The following PITPNC1 variants were observed in gnomAD, a reference collection of about 807,000 sequenced individuals.
PITPNC1 encodes the protein phosphatidylinositol transfer protein cytoplasmic 1, also known as cytoplasmic phosphatidylinositol transfer protein 1.
PITPNC1 carries 18 observed loss-of-function variants against 44.7 expected under a neutral mutation model. That is an observed-to-expected ratio of 0.40 (90% confidence interval 0.28 to 0.60). The LOEUF is 0.60. Ranked by LOEUF, PITPNC1 falls within the 20% of genes least tolerant of loss-of-function variation. PITPNC1 has a pLI of 0.39. For synonymous variants in PITPNC1, 141 were observed against 149.6 expected (o/e 0.94, Z 0.42); for missense variants, 290 against 418.4 (o/e 0.69, Z 2.68).
At chr17:67,568,785 A>G (rs1006451419) in intron 4 of PITPNC1, among the ~76,000 whole-genome samples, 1 of 152,192 alleles carries the variant, frequency 6.6e-6, no homozygotes, top group South Asian at 2.1e-4. Context: ...TAACAAGCCC[A>G]GCAAATGAGG....
At chr17:67,450,735 T>C (rs1187027292) in intron 1 of PITPNC1, among the ~76,000 whole-genome samples, 1 of 152,178 alleles carries the variant, frequency 6.6e-6, no homozygotes, top group Non-Finnish European at 1.5e-5. Context: ...TTTTAAGCAT[T>C]GTAAATTGTA....
intron 5 of PITPNC1, among the ~76,000 whole-genome samples, chr17:67,616,997 C>T (rs1407789863): frequency 1.3e-5 from 2 of 152,170 alleles, no homozygotes; most frequent in African/African-American, 4.8e-5. Context: ...GGACAAATGT[C>T]CACCATCGGC....
At chr17:67,552,495 G>T (rs2040780814) in intron 3 of PITPNC1, 150 bp downstream of exon 3, 3 of 611,248 alleles carry the variant, frequency 4.9e-6, no homozygotes, top group Non-Finnish European at 8.8e-6. Context: ...TTACTTGTAG[G>T]TTATCAACAC....
chr17:67,637,029 T>C (rs1335888540), intron 6 of PITPNC1, among the ~76,000 whole-genome samples: 1 of 152,190 alleles, frequency 6.6e-6, no homozygotes, highest in Non-Finnish European at 1.5e-5. Flanking sequence ...AGCAAAGTTC[T>C]GGTCCGTGGC....
intron 4 of PITPNC1, among the ~76,000 whole-genome samples, chr17:67,569,526 T>C (rs1475742763): frequency 6.6e-6 from 1 of 152,194 alleles, no homozygotes; most frequent in Non-Finnish European, 1.5e-5. Context: ...GAGTTTTGGG[T>C]GCTGGAGGTT....
At chr17:67,577,871 G>T (rs939292358) in intron 4 of PITPNC1, among the ~76,000 whole-genome samples, 1 of 152,180 alleles carries the variant, frequency 6.6e-6, no homozygotes. Flanking sequence ...GAACTGGCGT[G>T]ATTTAGGGGT....
At chr17:67,544,701 CT>C (rs138945072) in intron 2 of PITPNC1, among the ~76,000 whole-genome samples, 17 of 152,232 alleles carry the variant, frequency 1.1e-4, no homozygotes, top group African/African-American at 4.1e-4. Flanking sequence ...GTCATGAACT[CT>C]TTTTTAACTG....
chr17:67,443,105 G>A (rs2039038756), intron 1 of PITPNC1, among the ~76,000 whole-genome samples: 1 of 151,958 alleles, frequency 6.6e-6, no homozygotes, highest in African/African-American at 2.4e-5. Flanking sequence ...CCTCGGTTTG[G>A]CGTTGAAGCC....
intron 6 of PITPNC1, among the ~76,000 whole-genome samples, chr17:67,664,639 T>G (rs1016720111): frequency 1.3e-5 from 2 of 152,150 alleles, no homozygotes; most frequent in Non-Finnish European, 2.9e-5. Flanking sequence ...CATGGTGGCT[T>G]ACGCCTGTAA....
intron 1 of PITPNC1, among the ~76,000 whole-genome samples, chr17:67,466,557 TCA>T (rs1598704341): frequency 6.6e-6 from 1 of 152,178 alleles, no homozygotes; most frequent in Non-Finnish European, 1.5e-5. Context: ...TTTTTCTAAC[TCA>T]TCCCTTTTAA....
At chr17:67,654,028 C>T (rs566040195) in intron 6 of PITPNC1, among the ~76,000 whole-genome samples, 26 of 152,300 alleles carry the variant, frequency 1.7e-4, no homozygotes, top group East Asian at 3.9e-4. Context: ...GTTCCAGAGG[C>T]CCCCAGGTGA....
intron 1 of PITPNC1, among the ~76,000 whole-genome samples, chr17:67,428,648 C>T (rs2038808237): frequency 6.6e-6 from 1 of 151,818 alleles, no homozygotes. Context: ...GATAATTTTC[C>T]TGTGTTTTAC....
chr17:67,624,209 CTTTTCTT>C lies in PITPNC1; in HGVS notation c.367-7929_367-7923del, dbSNP rs1398488986. On this transcript the variant is annotated intron_variant, in intron 5 of 8. Transcript: ENST00000581322. ...AAGATTATTTTCTTTTTCTTTCTTT[CTTTTCTT>C]TTTTTTTTTTTTTTCCTCAGGGTTT... 1.2e-4 allele frequency among the ~76,000 whole-genome samples: 10 copies of C among 84,812 alleles called. 1 individual carries two copies. In the South Asian group the frequency reaches 1.7e-3, roughly 15 times the overall value. The allele number at this position is 84,812 out of a possible 152,430, so 55.6% of individuals were successfully genotyped here.
intron 1 of PITPNC1, among the ~76,000 whole-genome samples, chr17:67,473,360 GCT>G (rs1310938619): frequency 2.0e-5 from 3 of 151,316 alleles, no homozygotes; most frequent in African/African-American, 7.3e-5. Context: ...ACAGAGTCTC[GCT>G]CTGTCGCCCA....
At chr17:67,616,987 G>A (rs575573433) in intron 5 of PITPNC1, among the ~76,000 whole-genome samples, 18 of 152,242 alleles carry the variant, frequency 1.2e-4, no homozygotes, top group African/African-American at 4.1e-4. Context: ...AGAAAAAAAA[G>A]GACAAATGTC....
In PITPNC1 at chr17:67,541,171, C is replaced by T. The variant is rs375790036; in HGVS notation, c.197+8221C>T. On this transcript the variant is annotated intron_variant, in intron 2 of 8. Transcript: ENST00000581322. ...CAGATGTTGCAGAGAGCCAAGACTGCACCACTGCACTCCAGCCCGGGTGAC... is the reference window on the plus strand; with the variant it reads ...CAGATGTTGCAGAGAGCCAAGACTGTACCACTGCACTCCAGCCCGGGTGAC... Among the ~76,000 whole-genome samples the T allele has an allele frequency of 3.2e-4, 49 of 152,250 alleles. No individual in the cohort carries two copies. In the East Asian group the frequency reaches 6.4e-3, roughly 20 times the overall value.
intron 6 of PITPNC1, among the ~76,000 whole-genome samples, chr17:67,656,008 G>C (rs563466381): frequency 2.0e-5 from 3 of 152,338 alleles, no homozygotes; most frequent in Admixed American, 2.0e-4. Flanking sequence ...ATGGGAGCCC[G>C]GGTCGGGGTG....
chr17:67,565,262 A>G (rs923764695), intron 4 of PITPNC1, among the ~76,000 whole-genome samples: 2 of 149,508 alleles, frequency 1.3e-5, no homozygotes, highest in African/African-American at 5.0e-5. Context: ...TTCGGTGTGT[A>G]TACTCATTTT....
At chr17:67,616,913 T>C (rs1172261189) in intron 5 of PITPNC1, among the ~76,000 whole-genome samples, 1 of 152,266 alleles carries the variant, frequency 6.6e-6, no homozygotes, top group East Asian at 1.9e-4. Flanking sequence ...TTCTCTCCGG[T>C]GTATTGTTGT....
Sources: allele counts gnomAD v4.1 joint callset (sites outside exome capture counted in the v4.1 genomes callset), GRCh38; gene constraint gnomAD v4.1.1; transcripts MANE v1.5; gene names NCBI Gene and HGNC (gene_info 2026-07-23, HGNC 2026-07-21).